Variants in DNAJC5 observed in about 807,000 individuals in gnomAD.
The protein encoded by DNAJC5 is DnaJ heat shock protein family (Hsp40) member C5.
A neutral mutation model predicts 23.2 loss-of-function variants in DNAJC5; 1 was observed. The observed-to-expected ratio is 0.04, with a 90% confidence interval of 0.02 to 0.20. The LOEUF (loss-of-function observed/expected upper bound fraction) is 0.20. DNAJC5 is among the 10% of genes least tolerant of loss of function. DNAJC5 has a pLI of 1.00. For synonymous variants in DNAJC5, 136 were observed against 120.0 expected, an observed-to-expected ratio of 1.13 and a Z score of -0.87; for missense variants, 180 against 267.0, an observed-to-expected ratio of 0.67 and a Z score of 2.27.
chr20:63,900,237 C>G, intron 1 of DNAJC5, among the ~76,000 whole-genome samples: 1 of 152,004 alleles, frequency 6.6e-6, no homozygotes, highest in East Asian at 1.9e-4. Flanking sequence ...CAACCAGCAT[C>G]TCATTTTCTA....
At chr20:63,927,161 A>G (rs1038267509) in intron 1 of DNAJC5, among the ~76,000 whole-genome samples, 1 of 152,204 alleles carries the variant, frequency 6.6e-6, no homozygotes, top group Non-Finnish European at 1.5e-5. Flanking sequence ...TGTGTTCTCT[A>G]GATGTTGGGT....
chr20:63,903,468 C>T (rs763519752), intron 1 of DNAJC5, among the ~76,000 whole-genome samples: 2 of 151,986 alleles, frequency 1.3e-5, no homozygotes, highest in African/African-American at 2.4e-5. Flanking sequence ...CCACTACGCC[C>T]GGCTGATTTT....
intron 1 of DNAJC5, among the ~76,000 whole-genome samples, chr20:63,902,094 G>T (rs1198037513): frequency 6.6e-6 from 1 of 151,194 alleles, no homozygotes; most frequent in Non-Finnish European, 1.5e-5. Context: ...TTGTGCTGTC[G>T]CCCAGGCTGG....
chr20:63,919,139 CT>C (rs2053540820), intron 1 of DNAJC5, among the ~76,000 whole-genome samples: 1 of 152,212 alleles, frequency 6.6e-6, no homozygotes, highest in African/African-American at 2.4e-5. Context: ...TTTTTTACCC[CT>C]GAAGATCTTT....
At chr20:63,898,218 C>G (rs1335429129) in intron 1 of DNAJC5, among the ~76,000 whole-genome samples, 1 of 152,122 alleles carries the variant, frequency 6.6e-6, no homozygotes, top group African/African-American at 2.4e-5. Context: ...ACGTGTGTGC[C>G]TGGGGTTAGC....
chr20:63,926,541 G>A (rs1236009645), intron 1 of DNAJC5, among the ~76,000 whole-genome samples: 1 of 152,248 alleles, frequency 6.6e-6, no homozygotes, highest in East Asian at 1.9e-4. Flanking sequence ...TCTTTCTAAA[G>A]GAGATTTGTT....
At chr20:63,911,477 C>T (rs971094876) in intron 1 of DNAJC5, among the ~76,000 whole-genome samples, 1 of 152,186 alleles carries the variant, frequency 6.6e-6, no homozygotes, top group African/African-American at 2.4e-5. Context: ...CCTGGCTCGG[C>T]CGGGCGCTGC....
chr20:63,924,622 G>C (rs749674915), intron 1 of DNAJC5, among the ~76,000 whole-genome samples: 1 of 146,920 alleles, frequency 6.8e-6, no homozygotes, highest in Non-Finnish European at 1.5e-5. Flanking sequence ...GGGAGGCCGA[G>C]GGGGGGATTG....
chr20:63,895,560 G>A (rs1423941684), intron 1 of DNAJC5, among the ~76,000 whole-genome samples: 1 of 150,646 alleles, frequency 6.6e-6, no homozygotes, highest in East Asian at 1.9e-4. Context: ...GGGCCGGGCC[G>A]GGGGTCTGAG....
At chr20:63,912,788 T>C (rs1600867293) in intron 1 of DNAJC5, among the ~76,000 whole-genome samples, 1 of 152,238 alleles carries the variant, frequency 6.6e-6, no homozygotes, top group East Asian at 1.9e-4. Flanking sequence ...TTGTATTTTT[T>C]AGTTGAGACG....
At chr20:63,918,854 A>G (rs1468418498) in intron 1 of DNAJC5, among the ~76,000 whole-genome samples, 1 of 152,232 alleles carries the variant, frequency 6.6e-6, no homozygotes, top group African/African-American at 2.4e-5. Flanking sequence ...TTGGCCTCCC[A>G]AAGTGCTGGG....
intron 1 of DNAJC5, among the ~76,000 whole-genome samples, chr20:63,906,913 GCAA>G (rs1486575213): frequency 6.6e-6 from 1 of 152,102 alleles, no homozygotes; most frequent in Non-Finnish European, 1.5e-5. Flanking sequence ...CCTAGCCTGG[GCAA>G]CTTAGGGAGA....
At chr20:63,923,330 T>G (rs1351370564) in intron 1 of DNAJC5, among the ~76,000 whole-genome samples, 1 of 151,516 alleles carries the variant, frequency 6.6e-6, no homozygotes, top group Non-Finnish European at 1.5e-5. Flanking sequence ...TAGTCTTAGC[T>G]GCTTGGGATG....
At chr20:63,900,119 C>G (rs760157238) in intron 1 of DNAJC5, among the ~76,000 whole-genome samples, 183 of 149,902 alleles carry the variant, frequency 1.2e-3, no homozygotes, top group Non-Finnish European at 2.4e-3. Context: ...GAACTCCTGA[C>G]CTCAGGTGAT....
At position 63,929,345 on chromosome 20, in the gene DNAJC5, C is replaced by T. The variant is rs1600885575; in HGVS notation, c.141C>T (p.Asn47=). ...KLALKYHPDK[N]PDNPEAADKF... is the part of the protein sequence containing the mutation. ...CCTTGAAATATCACCCCGACAAGAA[C>T]CCCGACAACCCGGAGGCCGCGGACA... is the stretch of plus-strand genomic sequence containing the variant. The change falls in exon 3 of 5, where the codon AAC becomes AAT. Residue 47 remains asparagine, a synonymous_variant. Transcript: ENST00000360864. This position sits in a 1 kb window ranked among gnomAD's most constrained non-coding sequence, Gnocchi z 8.6. 6.2e-7 allele frequency: 1 copy of T among 1,614,114 alleles called. No individual in the cohort carries two copies. The highest frequency in any genetic ancestry group is 2.2e-5 in the East Asian group (1 of 44,872).
chr20:63,924,878 C>T (rs1056713867), intron 1 of DNAJC5, among the ~76,000 whole-genome samples: 7 of 152,258 alleles, frequency 4.6e-5, no homozygotes, highest in African/African-American at 7.2e-5. Context: ...GCCACACTGG[C>T]GTGCCCCAAC....
intron 1 of DNAJC5, among the ~76,000 whole-genome samples, chr20:63,922,074 C>T (rs943577396): frequency 3.9e-5 from 6 of 152,080 alleles, no homozygotes; most frequent in South Asian, 2.1e-4. Context: ...CCACCACTCC[C>T]GGCCCCCTTG....
Position 63,920,505 on chromosome 20 carries a change from G to A in DNAJC5, c.-11-7830G>A, listed in dbSNP as rs2053561102. 6.6e-6 allele frequency among the ~76,000 whole-genome samples: 1 copy of A among 152,212 alleles called. No homozygotes were observed. The highest frequency in any genetic ancestry group is 2.1e-4 in the South Asian group (1 of 4,830). On this transcript the variant is annotated intron_variant, in intron 1 of 4. Transcript: ENST00000360864. This position sits in a 1 kb window ranked among gnomAD's most constrained non-coding sequence, Gnocchi z 4.6. Reference sequence around the variant, plus strand: ...TCATAGAGTGGCTGCCCTGGCGTAGGGAGGGAGGACACGGGTCCCCGCCAT... The same window carrying A: ...TCATAGAGTGGCTGCCCTGGCGTAGAGAGGGAGGACACGGGTCCCCGCCAT...
intron 1 of DNAJC5, among the ~76,000 whole-genome samples, chr20:63,917,976 G>C (rs1159736837): frequency 2.0e-5 from 3 of 152,198 alleles, no homozygotes; most frequent in Admixed American, 6.6e-5. Flanking sequence ...GCCAGTGTCT[G>C]TGCTGCTCAC....
Sources: gnomAD v4.1 joint callset for allele counts (sites outside exome capture counted in the v4.1 genomes callset) on GRCh38, gnomAD v4.1.1 for gene constraint, Gnocchi (gnomAD v3.1) non-coding constraint, MANE v1.5 for transcripts, NCBI Gene and HGNC (gene_info 2026-07-23, HGNC 2026-07-21) for gene names.